The following CNST variants were observed in gnomAD, a reference collection of about 807,000 sequenced individuals.
CNST encodes the protein consortin, connexin sorting protein.
CNST carries 39 observed loss-of-function variants against 72.4 expected under a neutral mutation model. The ratio of observed to expected loss-of-function variants is 0.54; its 90% CI spans 0.42 to 0.70. CNST has a LOEUF of 0.70. Among genes scored for constraint, CNST ranks in the 30% least tolerant of loss-of-function variants. The pLI, the probability that CNST is intolerant of heterozygous loss-of-function variation, is 0.00. For synonymous variants in CNST, 332 were observed against 320.1 expected (o/e 1.04, Z -0.40); for missense variants, 871 against 868.5 (o/e 1.00, Z -0.04).
chr1:246,617,129 TA>T (rs1238325327), intron 2 of CNST, among the ~76,000 whole-genome samples: 1 of 152,086 alleles, frequency 6.6e-6, no homozygotes, highest in Non-Finnish European at 1.5e-5. Context: ...TATCCCTTAC[TA>T]AAAAGAAATG....
intron 2 of CNST, among the ~76,000 whole-genome samples, chr1:246,609,627 G>T (rs1301074525): frequency 6.6e-6 from 1 of 152,182 alleles, no homozygotes; most frequent in Non-Finnish European, 1.5e-5. Context: ...CATTTTCATG[G>T]CATTGATCAG....
At chr1:246,623,347 G>T (rs1477957775) in intron 3 of CNST, among the ~76,000 whole-genome samples, 1 of 152,170 alleles carries the variant, frequency 6.6e-6, no homozygotes, top group Non-Finnish European at 1.5e-5. Context: ...ACTGTTCTTG[G>T]AGTTATTTCT....
chr1:246,649,288 T>G (rs980164294), intron 9 of CNST, among the ~76,000 whole-genome samples: 1 of 152,178 alleles, frequency 6.6e-6, no homozygotes, highest in Non-Finnish European at 1.5e-5. Flanking sequence ...ACGTTTTGAT[T>G]GCAATGAATG....
intron 9 of CNST, among the ~76,000 whole-genome samples, chr1:246,651,780 T>C (rs916692415): frequency 1.3e-5 from 2 of 152,212 alleles, no homozygotes; most frequent in Admixed American, 6.5e-5. Flanking sequence ...AAGTATAGTT[T>C]ATACTGTATA....
chr1:246,579,708 T>C (rs1431875935), intron 1 of CNST, among the ~76,000 whole-genome samples: 1 of 152,122 alleles, frequency 6.6e-6, no homozygotes, highest in Non-Finnish European at 1.5e-5. Context: ...TGAGCCAAGA[T>C]TGCCCCACTG....
At chr1:246,583,644 G>A (rs762006585) in intron 1 of CNST, among the ~76,000 whole-genome samples, 2 of 152,190 alleles carry the variant, frequency 1.3e-5, no homozygotes, top group Non-Finnish European at 2.9e-5. Flanking sequence ...GTGAAGTTTA[G>A]TTAAAGCTCT....
rs373284626 is a variant in CNST at position 246,591,732 on chromosome 1, C to T, written c.170C>T (p.Ala57Val). 228 of 1,613,990 alleles carry T rather than the reference C, an allele frequency of 1.4e-4. 2 individuals are homozygous for T. In the Middle Eastern group the frequency reaches 1.8e-3, roughly 13 times the overall value. Reference sequence around the variant, plus strand: ...GAGCATCTGACCAGCAGTGACAGTGCGATGGGAAAGCCCCAAGTGTCTGAG... The same window carrying T: ...GAGCATCTGACCAGCAGTGACAGTGTGATGGGAAAGCCCCAAGTGTCTGAG... ...GHEHLTSSDSAMGKPQVSEQD... is the reference protein window; with the variant it reads ...GHEHLTSSDSVMGKPQVSEQD... Residue 57 changes from alanine (A) to valine (V), a missense_variant, in exon 2 of 11, where the codon GCG becomes GTG. Physicochemically the swap from Ala to Val is moderately conservative, Grantham distance 64 (BLOSUM62 0). Transcript: ENST00000366513.
chr1:246,577,741 G>A (rs780730182), intron 1 of CNST, among the ~76,000 whole-genome samples: 12 of 152,084 alleles, frequency 7.9e-5, no homozygotes, highest in Non-Finnish European at 1.3e-4. Flanking sequence ...GAAAGGCTAG[G>A]TTAAAATAAA....
intron 2 of CNST, among the ~76,000 whole-genome samples, chr1:246,608,283 G>A (rs1239941538): frequency 6.6e-6 from 1 of 152,210 alleles, no homozygotes; most frequent in Non-Finnish European, 1.5e-5. Context: ...ATGAGTTCGA[G>A]TTTGTATGAT....
chr1:246,574,293 G>A (rs140752075), intron 1 of CNST, among the ~76,000 whole-genome samples: 81 of 152,254 alleles, frequency 5.3e-4, no homozygotes, highest in African/African-American at 1.7e-3. Context: ...CGCCCGCCTC[G>A]GCCTCCCAAA....
In CNST at chr1:246,606,365, G is replaced by A. The variant is rs564431331; in HGVS notation, c.379+14424G>A. On this transcript the variant is annotated intron_variant, in intron 2 of 10. Transcript: ENST00000366513. ...CCCTTCCAGGTTTGGACTGGTACAC[G>A]GGCTACTTTTCTGATGTTTGAAGCG... is the stretch of plus-strand genomic sequence containing the variant. 3 of 152,064 alleles carry A rather than the reference G, an allele frequency of 2.0e-5. 1 individual carries two copies. Among genetic ancestry groups the A allele is most frequent in the South Asian group, 2.1e-4 (1 of 4,808 alleles). 9.4% of individuals were successfully genotyped at this position (152,064 alleles called of 1,614,324 possible).
chr1:246,586,158 T>C (rs907330915), intron 1 of CNST, among the ~76,000 whole-genome samples: 3 of 148,140 alleles, frequency 2.0e-5, no homozygotes, highest in Admixed American at 1.4e-4. Flanking sequence ...TTACTGATAG[T>C]ATGCTTATAA....
chr1:246,592,261 C>T (rs1479980246), intron 2 of CNST, among the ~76,000 whole-genome samples: 1 of 152,044 alleles, frequency 6.6e-6, no homozygotes, highest in African/African-American at 2.4e-5. Flanking sequence ...CCGAGGTGGG[C>T]GGATTACCTG....
Position 246,665,747 on chromosome 1 carries a change from G to A in CNST, c.2020G>A (p.Ala674Thr), listed in dbSNP as rs764454242. ...SCILLVLLCI[A>T]TVFLSVGGTA... ...TATTTTGCTGGTCTTGCTGTGCATA[G>A]CAACGGTTTTCCTCAGTGTTGGAGG... is the stretch of plus-strand genomic sequence containing the variant. The change falls in exon 11 of 11, where the codon GCA becomes ACA. Residue 674 changes from alanine to threonine, a missense_variant. Ala to Thr is a moderately conservative substitution (Grantham distance 58, BLOSUM62 0). Coordinates refer to ENST00000366513, the MANE Select transcript of CNST (RefSeq NM_152609.3). 4 of 1,613,692 alleles carry A rather than the reference G, an allele frequency of 2.5e-6. No individual in the cohort carries two copies. The highest frequency in any genetic ancestry group is 2.2e-5 in the South Asian group (2 of 91,056).
chr1:246,617,453 C>T (rs974144937), intron 2 of CNST, among the ~76,000 whole-genome samples: 1 of 152,170 alleles, frequency 6.6e-6, no homozygotes, highest in African/African-American at 2.4e-5. Context: ...CTCTTGTGAC[C>T]TTTTTCAGTT....
intron 2 of CNST, chr1:246,606,589 G>A (rs1284269606): frequency 6.6e-6 from 1 of 151,988 alleles, no homozygotes; most frequent in Non-Finnish European, 1.5e-5. Context: ...TATCTCTAGA[G>A]CAGCCTGTAG....
chr1:246,584,817 A>G (rs905017708), intron 1 of CNST, among the ~76,000 whole-genome samples: 41 of 152,268 alleles, frequency 2.7e-4, no homozygotes, highest in African/African-American at 9.1e-4. Flanking sequence ...CCTCCGGTAT[A>G]TGGATCTCCT....
intron 10 of CNST, 87 bp downstream of exon 10, chr1:246,660,421 C>G (rs550985025): frequency 1.4e-6 from 2 of 1,438,200 alleles, no homozygotes; most frequent in African/African-American, 1.4e-5. Context: ...CGTTTACTAA[C>G]AGGATTTGTA....
rs375195011 is a variant in CNST at position 246,634,330 on chromosome 1, A to T, written c.704-143A>T. ...TACTTATATTGAAAAGTAATAAGTT[A>T]GTTATTTCTAACTGTTGGGTTGTTT... On this transcript the variant is annotated intron_variant, in intron 5 of 10. Coordinates refer to ENST00000366513, the MANE Select transcript of CNST (RefSeq NM_152609.3). The T allele has an allele frequency of 6.1e-5, 35 of 577,900 alleles. No homozygotes were observed. The African/African-American group carries it at 6.2e-4, about 10-fold the overall frequency. 35.8% of individuals were successfully genotyped at this position (577,900 alleles called of 1,614,324 possible). A position where few individuals can be genotyped will look rare whatever the true frequency, so the allele number is the denominator to read the frequency against.
Sources: allele counts gnomAD v4.1 joint callset (sites outside exome capture counted in the v4.1 genomes callset), GRCh38; gene constraint gnomAD v4.1.1; transcripts MANE v1.5; gene names NCBI Gene and HGNC (gene_info 2026-07-23, HGNC 2026-07-21).